TRPM3: variants seen among roughly 807,000 people sequenced by gnomAD.
TRPM3 encodes transient receptor potential cation channel subfamily M member 3.
A neutral mutation model predicts 181.2 loss-of-function variants in TRPM3; 77 were observed. The observed-to-expected ratio is 0.42, with a 90% CI of 0.35 to 0.51. The LOEUF is 0.51. Among genes scored for constraint, TRPM3 ranks in the 20% least tolerant of loss-of-function variants. The probability of loss-of-function intolerance (pLI) is 0.01; values close to 1 mark genes in which losing one functional copy is unlikely to be tolerated. For missense variants in TRPM3, 1,759 were observed against 2,196.7 expected (o/e 0.80, Z 3.98); for synonymous variants, 745 against 796.4 (o/e 0.94, Z 1.09).
At chr9:70,919,403 CA>C (rs1326504072) in intron 1 of TRPM3, among the ~76,000 whole-genome samples, 1 of 152,238 alleles carries the variant, frequency 6.6e-6, no homozygotes, top group Non-Finnish European at 1.5e-5. Context: ...GCTTTCTCCA[CA>C]ACCCCAATCT....
intron 1 of TRPM3, among the ~76,000 whole-genome samples, chr9:71,096,075 A>C (rs2067137810): frequency 1.3e-5 from 2 of 152,208 alleles, no homozygotes; most frequent in East Asian, 1.9e-4. Flanking sequence ...TATTTTCCAA[A>C]ATTAGTTTTT....
At position 70,788,578 on chromosome 9, in the gene TRPM3, C is replaced by T. The variant is rs184307470; in HGVS notation, c.974-4299G>A. Among the ~76,000 whole-genome samples the T allele has an allele frequency of 1.9e-3, 294 of 152,064 alleles. 1 individual carries two copies. The highest frequency in any genetic ancestry group is 6.8e-3 in the African/African-American group (281 of 41,474). ...TGGAAGACAATTTTTCCATGGACGC[C>T]GGAAGGGGGATGGTTTTGGGATGGT... On this transcript the variant is annotated intron_variant, in intron 6 of 25. Coordinates refer to ENST00000677713, the MANE Select transcript of TRPM3 (RefSeq NM_001366145.2).
At chr9:70,688,291 ACTTT>A (rs2067515058) in intron 8 of TRPM3, among the ~76,000 whole-genome samples, 1 of 32,268 alleles carries the variant, frequency 3.1e-5, no homozygotes, top group East Asian at 4.7e-4. Context: ...CACTCCCAAA[ACTTT>A]AAAAAAATTA....
At chr9:71,162,455 A>G (rs2076328834) in intron 1 of TRPM3, among the ~76,000 whole-genome samples, 1 of 152,048 alleles carries the variant, frequency 6.6e-6, no homozygotes, top group South Asian at 2.1e-4. Flanking sequence ...TGTATCATGC[A>G]TTTTATTGTA....
At chr9:70,834,868 T>C (rs1392122953) in intron 5 of TRPM3, among the ~76,000 whole-genome samples, 1 of 152,106 alleles carries the variant, frequency 6.6e-6, no homozygotes, top group Non-Finnish European at 1.5e-5. Flanking sequence ...TCATCAATAT[T>C]TGTTGTTTAA....
chr9:71,390,979 T>C (rs951414994), intron 1 of TRPM3, among the ~76,000 whole-genome samples: 4 of 151,840 alleles, frequency 2.6e-5, no homozygotes, highest in African/African-American at 4.8e-5. Context: ...AATAGATGAA[T>C]AGGTAAAGGT....
intron 1 of TRPM3, among the ~76,000 whole-genome samples, chr9:71,388,887 A>T (rs1565524102): frequency 6.6e-6 from 1 of 152,132 alleles, no homozygotes; most frequent in Non-Finnish European, 1.5e-5. Context: ...TGGGAACTTA[A>T]ACTAATGTGA....
chr9:70,989,140 A>C (rs1402557216), intron 1 of TRPM3, among the ~76,000 whole-genome samples: 1 of 152,206 alleles, frequency 6.6e-6, no homozygotes, highest in Non-Finnish European at 1.5e-5. Context: ...GATAGGACAC[A>C]TACACTATAT....
At chr9:71,106,406 C>T (rs1436502571) in intron 1 of TRPM3, among the ~76,000 whole-genome samples, 1 of 152,042 alleles carries the variant, frequency 6.6e-6, no homozygotes, top group African/African-American at 2.4e-5. Flanking sequence ...TGCTCTGCAT[C>T]CACAGATCTG....
At chr9:70,936,437 G>A (rs1476633636) in intron 1 of TRPM3, among the ~76,000 whole-genome samples, 1 of 152,180 alleles carries the variant, frequency 6.6e-6, no homozygotes, top group African/African-American at 2.4e-5. Flanking sequence ...TTGATAGGAT[G>A]TTTCATTATC....
intron 22 of TRPM3, among the ~76,000 whole-genome samples, chr9:70,588,420 A>T (rs2057518515): frequency 6.6e-6 from 1 of 152,156 alleles, no homozygotes; most frequent in Admixed American, 6.5e-5. Flanking sequence ...CCAATTAAGA[A>T]AGAGTATTTT....
rs1345388006 is a variant in TRPM3 at position 71,355,712 on chromosome 9, AC to A, written c.183+90940del. ...TGTGGGCAAGAACTACCAAAGGAAGACCCTCTGGCTTGGGTCTCTAACAACC... is the reference window on the plus strand; with the variant it reads ...TGTGGGCAAGAACTACCAAAGGAAGACCTCTGGCTTGGGTCTCTAACAACC... On this transcript the variant is annotated intron_variant, in intron 1 of 24. Transcript: ENST00000357533. 3.9e-5 allele frequency among the ~76,000 whole-genome samples: 6 copies of A among 152,100 alleles called. No homozygotes were observed. The East Asian group carries it at 1.2e-3, about 29-fold the overall frequency.
upstream of TRPM3, among the ~76,000 whole-genome samples, chr9:71,124,163 C>T (rs1565249697): frequency 6.6e-6 from 1 of 152,054 alleles, no homozygotes; most frequent in African/African-American, 2.4e-5. Context: ...AGTTTTTCTT[C>T]CATCACTGGG....
At chr9:70,622,954 TTA>T (rs1464371393) in intron 14 of TRPM3, among the ~76,000 whole-genome samples, 3 of 152,152 alleles carry the variant, frequency 2.0e-5, no homozygotes, top group African/African-American at 7.2e-5. Context: ...AAAAATTCTG[TTA>T]TATATATTTT....
chr9:70,598,410 C>A lies in TRPM3; in HGVS notation c.3048+9G>T. On this transcript the variant is annotated intron_variant, in intron 21 of 25. Transcript: ENST00000677713. ...AACTTATAACATGGAATCAGAAGACCCTGCTTACCATTTTTCCAATCATCA... is the reference window on the plus strand; with the variant it reads ...AACTTATAACATGGAATCAGAAGACACTGCTTACCATTTTTCCAATCATCA... The A allele has an allele frequency of 6.2e-7, 1 of 1,610,928 alleles. No individual in the cohort carries two copies. The highest frequency in any genetic ancestry group is 8.5e-7 in the Non-Finnish European group (1 of 1,177,390).
intron 1 of TRPM3, among the ~76,000 whole-genome samples, chr9:71,034,238 T>C (rs116821716): frequency 1.2e-3 from 184 of 152,312 alleles, no homozygotes; most frequent in African/African-American, 4.1e-3. Context: ...ATCCAGGCAG[T>C]ACTGAACTTG....
At chr9:71,191,278 AT>A (rs1284954277) in intron 1 of TRPM3, among the ~76,000 whole-genome samples, 1 of 151,810 alleles carries the variant, frequency 6.6e-6, no homozygotes, top group African/African-American at 2.4e-5. Flanking sequence ...GACACTGTAC[AT>A]TTTTGTTTAA....
intron 3 of TRPM3, among the ~76,000 whole-genome samples, chr9:70,852,182 G>C (rs1363964664): frequency 1.2e-5 from 1 of 80,962 alleles, no homozygotes; most frequent in South Asian, 4.4e-4. Flanking sequence ...CAAAAAACAA[G>C]AACAACAAAA....
chr9:70,972,053 A>G (rs1282234579), intron 1 of TRPM3, among the ~76,000 whole-genome samples: 1 of 152,218 alleles, frequency 6.6e-6, no homozygotes, highest in African/African-American at 2.4e-5. Flanking sequence ...TGTTAACCAG[A>G]GTTATATGAC....
Sources: allele counts gnomAD v4.1 joint callset (sites outside exome capture counted in the v4.1 genomes callset), GRCh38; gene constraint gnomAD v4.1.1; transcripts MANE v1.5; gene names NCBI Gene and HGNC (gene_info 2026-07-23, HGNC 2026-07-21).